Variants in RTN3 observed in about 807,000 individuals in gnomAD.
The protein encoded by RTN3 is reticulon 3.
A neutral mutation model predicts 77.8 loss-of-function variants in RTN3; 49 were observed. The ratio of observed to expected loss-of-function variants is 0.63; its 90% confidence interval spans 0.50 to 0.80. RTN3 has a LOEUF of 0.80. Ranked by LOEUF, RTN3 falls within the 30% of genes least tolerant of loss-of-function variation. The pLI, the probability that RTN3 is intolerant of heterozygous loss-of-function variation, is 0.00. For synonymous variants in RTN3, 464 were observed against 446.9 expected, an observed-to-expected ratio of 1.04 and a Z score of -0.48; for missense variants, 1,236 against 1,211.9, an observed-to-expected ratio of 1.02 and a Z score of -0.29.
intron 1 of RTN3, among the ~76,000 whole-genome samples, chr11:63,690,829 T>C (rs1941615651): frequency 6.6e-6 from 1 of 152,196 alleles, no homozygotes. Flanking sequence ...CTCCTTGAAA[T>C]GCTTTTTTAA....
chr11:63,740,070 A>G (rs1208027003), intron 3 of RTN3, among the ~76,000 whole-genome samples: 1 of 152,152 alleles, frequency 6.6e-6, no homozygotes, highest in African/African-American at 2.4e-5. Flanking sequence ...GATAACTCCC[A>G]AATCTATACT....
At chr11:63,756,236 C>T in intron 8 of RTN3, 66 bp downstream of exon 8, 1 of 1,104,190 alleles carries the variant, frequency 9.1e-7, no homozygotes, top group Non-Finnish European at 1.4e-6. Context: ...TCTTTAGTCC[C>T]TTGTACAAAA....
At chr11:63,686,946 A>G (rs1259093929) in intron 1 of RTN3, among the ~76,000 whole-genome samples, 1 of 152,246 alleles carries the variant, frequency 6.6e-6, no homozygotes, top group Non-Finnish European at 1.5e-5. Context: ...AATTTTTTGA[A>G]AAAGGTTTTG....
intron 2 of RTN3, among the ~76,000 whole-genome samples, chr11:63,716,979 C>CAAAAAAAAAA (rs6144367): frequency 1.2e-4 from 15 of 120,258 alleles, no homozygotes; most frequent in Middle Eastern, 5.4e-3. Context: ...AAAAAAAAAA[C>CAAAAAAAAAA]AAAAAAAAAA....
chr11:63,730,506 G>A (rs998233924), intron 3 of RTN3, among the ~76,000 whole-genome samples: 1 of 152,176 alleles, frequency 6.6e-6, no homozygotes, highest in Non-Finnish European at 1.5e-5. Context: ...GACAGAATTG[G>A]CTGGGCAATG....
chr11:63,707,461 A>C (rs1565312043), intron 2 of RTN3, among the ~76,000 whole-genome samples: 1 of 152,194 alleles, frequency 6.6e-6, no homozygotes, highest in Non-Finnish European at 1.5e-5. Context: ...GCATACACTT[A>C]TTCTTCCTTT....
chr11:63,726,043 G>T (rs564972761), intron 3 of RTN3, among the ~76,000 whole-genome samples: 1 of 152,066 alleles, frequency 6.6e-6, no homozygotes, highest in South Asian at 2.1e-4. Flanking sequence ...ATGCTAGAAA[G>T]ATTCCATAAA....
At chr11:63,740,640 A>G (rs2013411501) in intron 3 of RTN3, among the ~76,000 whole-genome samples, 1 of 151,042 alleles carries the variant, frequency 6.6e-6, no homozygotes, top group South Asian at 2.1e-4. Flanking sequence ...TATGTTGCCC[A>G]GGCTGGTTTC....
In RTN3 at chr11:63,720,946, C is replaced by A; in HGVS notation, c.2444C>A (p.Thr815Asn). The A allele has an allele frequency of 1.2e-6, 2 of 1,614,036 alleles. No individual in the cohort carries two copies. The highest frequency in any genetic ancestry group is 2.7e-5 in the African/African-American group (2 of 75,026). Residue 815 changes from threonine to asparagine, a missense_variant, in exon 3 of 9, where the codon ACT becomes AAT. By Grantham distance (65) the Thr-to-Asn change is moderately conservative. Around this residue, in one of 3 missense-constraint regions of RTN3, gnomAD observed 1,056 missense variants for 990.4 expected, o/e 1.07. Coordinates refer to ENST00000377819, the MANE Select transcript of RTN3 (RefSeq NM_001265589.2). Reference protein sequence around the residue: ...ISQKPITIRETTRVDAVSSLS... With the variant: ...ISQKPITIRENTRVDAVSSLS... ...CAGAAGCCCATCACTATCAGAGAAA[C>A]TACTAGGGTAGATGCTGTTTCCAGC...
intron 3 of RTN3, among the ~76,000 whole-genome samples, chr11:63,722,016 T>G (rs367749382): frequency 6.6e-6 from 1 of 152,228 alleles, no homozygotes; most frequent in Non-Finnish European, 1.5e-5. Flanking sequence ...CTCTTGTCTT[T>G]TATCTATTTC....
intron 1 of RTN3, among the ~76,000 whole-genome samples, chr11:63,682,872 T>G (rs1941137786): frequency 6.6e-6 from 1 of 152,132 alleles, no homozygotes; most frequent in Non-Finnish European, 1.5e-5. Context: ...CAGGTGGTAG[T>G]TCTCAAAGGA....
At chr11:63,713,528 C>T (rs2011225497) in intron 2 of RTN3, among the ~76,000 whole-genome samples, 1 of 152,058 alleles carries the variant, frequency 6.6e-6, no homozygotes, top group Admixed American at 6.6e-5. Context: ...CCAGGCTGGT[C>T]TCGAACTCCT....
At chr11:63,711,592 TTCGTTC>T (rs1000377497) in intron 2 of RTN3, among the ~76,000 whole-genome samples, 3 of 152,016 alleles carry the variant, frequency 2.0e-5, no homozygotes, top group Non-Finnish European at 2.9e-5. Context: ...AGACGGAGTT[TTCGTTC>T]TTGTTGCCCA....
Position 63,681,739 on chromosome 11 carries a change from C to A in RTN3, c.103C>A (p.Pro35Thr), listed in dbSNP as rs773910477. The A allele has an allele frequency of 1.9e-6, 3 of 1,607,254 alleles. No homozygotes were observed. In the African/African-American group the frequency reaches 4.0e-5, roughly 22 times the overall value. Residue 35 changes from proline (P) to threonine (T), a missense_variant, in exon 1 of 9, where the codon CCC (proline) becomes ACC (threonine). Physicochemically the swap from Pro to Thr is conservative, Grantham distance 38. Transcript: ENST00000377819. ...CGGCGGCGGGAGCCCAGGAGCCTGCCCCGCCCTGGGGACGAAGAGCTGCAG... is the reference window on the plus strand; with the variant it reads ...CGGCGGCGGGAGCCCAGGAGCCTGCACCGCCCTGGGGACGAAGAGCTGCAG... ...PGGGGSPGAC[P>T]ALGTKSCSSS...
chr11:63,731,852 C>T (rs1338881197), intron 3 of RTN3, among the ~76,000 whole-genome samples: 1 of 152,114 alleles, frequency 6.6e-6, no homozygotes, highest in African/African-American at 2.4e-5. Flanking sequence ...GGGGTTTCAT[C>T]ATGTTGGCCA....
intron 1 of RTN3, 74 bp from the exon 2 acceptor site, chr11:63,704,777 C>A: frequency 9.6e-7 from 1 of 1,042,988 alleles, no homozygotes; most frequent in Non-Finnish European, 1.5e-6. Flanking sequence ...CTCTTCCTCC[C>A]CATCAAAAAG....
At chr11:63,739,036 T>C (rs2135003102) in intron 3 of RTN3, among the ~76,000 whole-genome samples, 1 of 152,224 alleles carries the variant, frequency 6.6e-6, no homozygotes, top group South Asian at 2.1e-4. Flanking sequence ...TTAAAATAAA[T>C]ACCTTAAAGT....
chr11:63,681,497 G>C (rs565594955), upstream of RTN3: 2 of 864,016 alleles, frequency 2.3e-6, no homozygotes, highest in Non-Finnish European at 3.3e-6. Flanking sequence ...GGCTGAGTCA[G>C]TCAGTCTGTC....
At chr11:63,705,397 T>C (rs950129184) in intron 2 of RTN3, among the ~76,000 whole-genome samples, 6 of 152,160 alleles carry the variant, frequency 3.9e-5, no homozygotes, top group African/African-American at 1.4e-4. Flanking sequence ...GGAGGATTGC[T>C]TGAGCCCAGG....
Sources: allele counts gnomAD v4.1 joint callset (sites outside exome capture counted in the v4.1 genomes callset), GRCh38; gene constraint gnomAD v4.1.1; regional missense constraint gnomAD v4.1.1; transcripts MANE v1.5; gene names NCBI Gene and HGNC (gene_info 2026-07-23, HGNC 2026-07-21).